CELF2: variants seen among roughly 807,000 people sequenced by gnomAD.
CELF2 encodes CUG triplet repeat RNA-binding protein 2.
A neutral mutation model predicts 62.6 loss-of-function variants in CELF2; 8 were observed. The ratio of observed to expected loss-of-function variants is 0.13; its 90% CI spans 0.07 to 0.23. The LOEUF is 0.23. Ranked by LOEUF, CELF2 falls within the 10% of genes least tolerant of loss-of-function variation. The pLI, the probability that CELF2 is intolerant of heterozygous loss-of-function variation, is 1.00. For missense variants in CELF2, 333 were observed against 671.0 expected, an observed-to-expected ratio of 0.50 and a Z score of 5.56; for synonymous variants, 258 against 250.0, an observed-to-expected ratio of 1.03 and a Z score of -0.30.
rs1251002678 is a variant in CELF2, at chr10:11,285,824, TTGGTGTGTGTGTGTGTGTGTGTGTGTG to T, written c.842-2591_842-2565del. On this transcript the variant is annotated intron_variant, in intron 8 of 12. Transcript: ENST00000633077. The surrounding 1 kb of genome is among the most constrained non-coding windows in gnomAD (Gnocchi z 4.3). ...ATTTGCTCATCACCTACTATATATA[TTGGTGTGTGTGTGTGTGTGTGTGTGTG>T]TGTGTGTGTGTGTGTGTGTGTGTGT... Among the ~76,000 whole-genome samples the T allele has an allele frequency of 7.4e-6, 1 of 135,020 alleles. No homozygotes were observed. The highest frequency in any genetic ancestry group is 2.8e-5 in the African/African-American group (1 of 36,152). 88.6% of individuals were successfully genotyped at this position (135,020 alleles called of 152,430 possible).
chr10:10,933,216 T>A (rs751201955), intron 2 of CELF2, among the ~76,000 whole-genome samples: 5 of 151,628 alleles, frequency 3.3e-5, no homozygotes. Context: ...GGTGGGAGGA[T>A]CTCTTAAGCC....
chr10:11,142,211 G>A (rs2061457839), intron 1 of CELF2, among the ~76,000 whole-genome samples: 1 of 152,190 alleles, frequency 6.6e-6, no homozygotes, highest in South Asian at 2.1e-4. Flanking sequence ...TTTCTTGATG[G>A]GAGCAAATTC....
In CELF2 at chr10:11,244,748, AG is replaced by A. The variant is rs2137069749; in HGVS notation, c.355-4402del. ...CGTATCATTGTTCTTGATCAACAGT[AG>A]GGCCTATTTTCTCTTATTCTGTGCC... On this transcript the variant is annotated intron_variant, in intron 3 of 12. Transcript: ENST00000633077. This position sits in a 1 kb window ranked among gnomAD's most constrained non-coding sequence, Gnocchi z 4.2. Among the ~76,000 whole-genome samples the A allele has an allele frequency of 6.6e-6, 1 of 152,062 alleles. No homozygotes were observed. The highest frequency in any genetic ancestry group is 6.5e-5 in the Admixed American group (1 of 15,280).
chr10:11,029,281 T>C (rs186790716), intron 1 of CELF2, among the ~76,000 whole-genome samples: 3 of 152,284 alleles, frequency 2.0e-5, no homozygotes, highest in Non-Finnish European at 4.4e-5. Flanking sequence ...TGGTGGTTAA[T>C]AAAAAAGGCA....
chr10:10,648,551 A>C, the CELF2 span, among the ~76,000 whole-genome samples: 1 of 152,234 alleles, frequency 6.6e-6, no homozygotes, highest in Non-Finnish European at 1.5e-5. Flanking sequence ...GAATAACAGC[A>C]ACAACTATTA....
chr10:10,534,798 G>C, the CELF2 span, among the ~76,000 whole-genome samples: 1 of 152,136 alleles, frequency 6.6e-6, no homozygotes, highest in Non-Finnish European at 1.5e-5. Flanking sequence ...TAAAAGAATT[G>C]ATGCACTTTG....
chr10:11,136,758 A>G (rs75620491), intron 1 of CELF2, among the ~76,000 whole-genome samples: 149 of 152,144 alleles, frequency 9.8e-4, no homozygotes, highest in African/African-American at 2.8e-3. Flanking sequence ...TTCCACCTCA[A>G]TTTTCCCACA....
At position 11,278,664 on chromosome 10, in the gene CELF2, C is replaced by T. The variant is rs189495752; in HGVS notation, c.841+3544C>T. Among the ~76,000 whole-genome samples, 9 of 152,324 alleles carry T rather than the reference C, an allele frequency of 5.9e-5. No homozygotes were observed. In the East Asian group the frequency reaches 1.7e-3, roughly 29 times the overall value. Reference sequence around the variant, plus strand: ...CTTTTAAAAATCATGCAGCTGTCCTCATAGCAAGCTAAGGACGTGACTACC... The same window carrying T: ...CTTTTAAAAATCATGCAGCTGTCCTTATAGCAAGCTAAGGACGTGACTACC... On this transcript the variant is annotated intron_variant, in intron 8 of 12. Transcript: ENST00000633077.
chr10:11,083,546 A>T (rs2074598349), intron 1 of CELF2, among the ~76,000 whole-genome samples: 1 of 152,180 alleles, frequency 6.6e-6, no homozygotes, highest in Non-Finnish European at 1.5e-5. Flanking sequence ...GTTTTTACTA[A>T]GGTAATGTTA....
chr10:10,727,680 G>T, the CELF2 span, among the ~76,000 whole-genome samples: 4 of 151,938 alleles, frequency 2.6e-5, no homozygotes, highest in East Asian at 7.7e-4. Flanking sequence ...GGAGGCTGAG[G>T]CAGGAGAATG....
the CELF2 span, among the ~76,000 whole-genome samples, chr10:10,712,358 G>A: frequency 3.9e-5 from 6 of 151,974 alleles, no homozygotes; most frequent in South Asian, 2.1e-4. Flanking sequence ...TTGACTACAC[G>A]CTTCTCTAAT....
chr10:11,140,203 C>A (rs1366061494), intron 1 of CELF2, among the ~76,000 whole-genome samples: 3 of 152,130 alleles, frequency 2.0e-5, no homozygotes, highest in African/African-American at 7.2e-5. Context: ...CCCAAAAGGG[C>A]AAGAATTATA....
Position 11,274,929 on chromosome 10 carries a change from T to C in CELF2, c.778-128T>C. On this transcript the variant is annotated intron_variant, in intron 7 of 12. Transcript: ENST00000633077. ...ATTTACAGCCCCAGCTCTGGGGACCTTCAGTCCATCAGTAGGGAGTAGCAA... is the reference window on the plus strand; with the variant it reads ...ATTTACAGCCCCAGCTCTGGGGACCCTCAGTCCATCAGTAGGGAGTAGCAA... The C allele has an allele frequency of 3.7e-6, 3 of 804,972 alleles. No homozygotes were observed. The South Asian group carries it at 4.4e-5, about 12-fold the overall frequency. The allele number at this position is 804,972 out of a possible 1,614,324, so 49.9% of individuals were successfully genotyped here.
At chr10:10,902,895 A>G (rs1245968002) in intron 1 of CELF2, among the ~76,000 whole-genome samples, 2 of 124,762 alleles carry the variant, frequency 1.6e-5, no homozygotes, top group Non-Finnish European at 3.3e-5. Flanking sequence ...GAGAGAGGGA[A>G]GAAGGGAGGG....
At chr10:11,261,152 G>A (rs3780990) in intron 5 of CELF2, among the ~76,000 whole-genome samples, 2,221 of 152,324 alleles carry the variant, frequency 0.015, 46 homozygotes, top group East Asian at 0.072. Flanking sequence ...GTGCAGCTGA[G>A]CGGTTCACTT....
At chr10:11,022,757 C>T (rs1040879842) in intron 1 of CELF2, among the ~76,000 whole-genome samples, 4 of 152,148 alleles carry the variant, frequency 2.6e-5, no homozygotes, top group African/African-American at 9.7e-5. Flanking sequence ...ACAGCCAGCG[C>T]CCAATATGAC....
intron 2 of CELF2, among the ~76,000 whole-genome samples, chr10:10,965,288 C>T (rs2050003577): frequency 6.6e-6 from 1 of 152,136 alleles, no homozygotes; most frequent in African/African-American, 2.4e-5. Flanking sequence ...TGTGTGTCAG[C>T]TTCCCCAAAG....
At chr10:10,815,483 G>T (rs2131835206) in intron 1 of CELF2, among the ~76,000 whole-genome samples, 1 of 152,272 alleles carries the variant, frequency 6.6e-6, no homozygotes, top group East Asian at 1.9e-4. Context: ...TGTTTGCCTG[G>T]TTCCCAGACT....
At chr10:11,051,805 C>T (rs1472878258) in intron 1 of CELF2, among the ~76,000 whole-genome samples, 1 of 152,136 alleles carries the variant, frequency 6.6e-6, no homozygotes. Context: ...TTCACATTGC[C>T]CACTATGTAG....
Sources: gnomAD v4.1 joint callset for allele counts (sites outside exome capture counted in the v4.1 genomes callset) on GRCh38, gnomAD v4.1.1 for gene constraint, Gnocchi (gnomAD v3.1) non-coding constraint, MANE v1.5 for transcripts, NCBI Gene and HGNC (gene_info 2026-07-23, HGNC 2026-07-21) for gene names.